The following MIPOL1 variants were observed in gnomAD, a reference collection of about 807,000 sequenced individuals.
MIPOL1 encodes the protein mirror-image polydactyly 1.
In MIPOL1, 57 loss-of-function variants were observed where a neutral mutation model predicts 60.9. The observed-to-expected ratio is 0.94, with a 90% CI of 0.76 to 1.17. MIPOL1 has a LOEUF of 1.17. MIPOL1 is among the 50% of genes most tolerant of loss of function. MIPOL1 has a pLI of 0.00. For synonymous variants in MIPOL1, 179 were observed against 168.8 expected (o/e 1.06, Z -0.47); for missense variants, 551 against 511.6 (o/e 1.08, Z -0.74).
intron 1 of MIPOL1, 98 bp downstream of exon 1, chr14:37,198,202 G>A (rs891116594): frequency 1.3e-5 from 2 of 152,388 alleles, no homozygotes; most frequent in Non-Finnish European, 2.9e-5. Flanking sequence ...CCTTGGAGAA[G>A]GAGAAGGGGC....
chr14:37,379,528 A>G (rs553739400), intron 10 of MIPOL1, among the ~76,000 whole-genome samples: 2 of 152,194 alleles, frequency 1.3e-5, no homozygotes, highest in Admixed American at 6.6e-5. Flanking sequence ...TGAGAAAACA[A>G]CCCACATAAT....
chr14:37,198,758 A>C lies in MIPOL1; in HGVS notation c.-199+654A>C, dbSNP rs375911096. Among the ~76,000 whole-genome samples the C allele has an allele frequency of 4.6e-5, 7 of 152,306 alleles. No homozygotes were observed. In the East Asian group the frequency reaches 1.2e-3, roughly 25 times the overall value. On this transcript the variant is annotated intron_variant, in intron 1 of 12. Coordinates refer to ENST00000684589, the MANE Select transcript of MIPOL1 (RefSeq NM_001388067.1). ...AAAAGCTCCTTTGAGCATTTTATGC[A>C]GGTTAAATCACAGTGGTAGTAGATA...
At chr14:37,521,919 TTC>T (rs2095416893) in intron 12 of MIPOL1, among the ~76,000 whole-genome samples, 1 of 148,398 alleles carries the variant, frequency 6.7e-6, no homozygotes, top group Non-Finnish European at 1.5e-5. Context: ...TATTTTTTTT[TTC>T]TTTGGCTTCA....
At chr14:37,239,604 G>A (rs1437583258) in intron 1 of MIPOL1, among the ~76,000 whole-genome samples, 1 of 151,970 alleles carries the variant, frequency 6.6e-6, no homozygotes, top group Non-Finnish European at 1.5e-5. Flanking sequence ...AAAACTAATT[G>A]TTTCTTCAAG....
intron 10 of MIPOL1, among the ~76,000 whole-genome samples, chr14:37,404,562 C>T (rs2093553252): frequency 6.6e-6 from 1 of 152,144 alleles, no homozygotes; most frequent in African/African-American, 2.4e-5. Context: ...TAGCACTTGT[C>T]TGATTCCTTC....
chr14:37,226,044 T>C (rs1969673920), intron 1 of MIPOL1, among the ~76,000 whole-genome samples: 1 of 152,168 alleles, frequency 6.6e-6, no homozygotes, highest in South Asian at 2.1e-4. Context: ...GTTTCTCATT[T>C]CCATCTGAGA....
intron 10 of MIPOL1, among the ~76,000 whole-genome samples, chr14:37,395,010 G>A (rs933258394): frequency 7.2e-5 from 11 of 152,046 alleles, no homozygotes; most frequent in African/African-American, 2.7e-4. Context: ...AGCATCATTT[G>A]TTGAAAAGGG....
intron 1 of MIPOL1, among the ~76,000 whole-genome samples, chr14:37,201,058 A>G (rs1320210016): frequency 1.3e-5 from 2 of 151,530 alleles, no homozygotes; most frequent in Non-Finnish European, 2.9e-5. Context: ...ACACACCAAC[A>G]TGCCCAGGCT....
intron 7 of MIPOL1, among the ~76,000 whole-genome samples, chr14:37,295,321 G>A (rs979887002): frequency 6.6e-6 from 1 of 152,192 alleles, no homozygotes; most frequent in Non-Finnish European, 1.5e-5. Context: ...CCATGGAAAG[G>A]AACAACCGGT....
intron 1 of MIPOL1, among the ~76,000 whole-genome samples, chr14:37,214,889 C>A (rs1251309756): frequency 6.6e-6 from 1 of 152,092 alleles, no homozygotes; most frequent in East Asian, 2.0e-4. Flanking sequence ...GTCTCCCTTT[C>A]CCTCGGGGAG....
chr14:37,343,406 A>G (rs1027055715), intron 9 of MIPOL1, among the ~76,000 whole-genome samples: 2 of 152,192 alleles, frequency 1.3e-5, no homozygotes, highest in Admixed American at 1.3e-4. Context: ...AGGAATAAAA[A>G]CTTCTATAGT....
At chr14:37,505,977 A>C (rs1191333036) in intron 12 of MIPOL1, 2 of 139,814 alleles carry the variant, frequency 1.4e-5, no homozygotes, top group East Asian at 4.3e-4. Context: ...AAACAGCCAA[A>C]TCATGAGGGA....
At chr14:37,216,141 TTA>T (rs1437780363) in intron 1 of MIPOL1, among the ~76,000 whole-genome samples, 2 of 151,190 alleles carry the variant, frequency 1.3e-5, no homozygotes, top group Admixed American at 6.6e-5. Context: ...AAGGAGCTAG[TTA>T]TATCAGGCAA....
chr14:37,496,204 G>A (rs2095125890), intron 11 of MIPOL1, among the ~76,000 whole-genome samples: 1 of 147,190 alleles, frequency 6.8e-6, no homozygotes, highest in South Asian at 2.2e-4. Flanking sequence ...ATACTGAATG[G>A]GCAAAAACTG....
intron 1 of MIPOL1, among the ~76,000 whole-genome samples, chr14:37,218,718 C>G (rs1312169454): frequency 6.6e-6 from 1 of 151,902 alleles, no homozygotes; most frequent in East Asian, 1.9e-4. Context: ...AGGCAGATCA[C>G]TTGAGCCCAG....
intron 10 of MIPOL1, chr14:37,401,143 A>G (rs1335081920): frequency 6.6e-6 from 1 of 152,166 alleles, no homozygotes; most frequent in Admixed American, 6.5e-5. Flanking sequence ...AGAAACACTA[A>G]GAAAAACACA....
intron 11 of MIPOL1, among the ~76,000 whole-genome samples, chr14:37,458,755 G>T (rs1357808915): frequency 6.6e-6 from 1 of 152,086 alleles, no homozygotes; most frequent in Non-Finnish European, 1.5e-5. Context: ...GGACGCTGAG[G>T]CAGGAGAATC....
chr14:37,468,901 C>G (rs1227647666), intron 11 of MIPOL1, among the ~76,000 whole-genome samples: 5 of 152,104 alleles, frequency 3.3e-5, no homozygotes, highest in African/African-American at 1.2e-4. Flanking sequence ...GTTATTCATC[C>G]TGACTGGAGT....
intron 1 of MIPOL1, among the ~76,000 whole-genome samples, chr14:37,202,055 C>T (rs554545934): frequency 6.6e-6 from 1 of 152,104 alleles, no homozygotes; most frequent in South Asian, 2.1e-4. Context: ...GTCTAGTATC[C>T]AACCCCTGGC....
Sources: allele counts gnomAD v4.1 joint callset (sites outside exome capture counted in the v4.1 genomes callset), GRCh38; gene constraint gnomAD v4.1.1; transcripts MANE v1.5; gene names NCBI Gene and HGNC (gene_info 2026-07-23, HGNC 2026-07-21).